XPO4: variants seen among roughly 807,000 people sequenced by gnomAD.
XPO4 encodes the protein exportin-4.
XPO4 carries 39 observed loss-of-function variants against 143.0 expected under a neutral mutation model. That is an observed-to-expected ratio of 0.27 (90% CI 0.21 to 0.36). The LOEUF (loss-of-function observed/expected upper bound fraction) is 0.36. Ranked by LOEUF, XPO4 falls within the 10% of genes least tolerant of loss-of-function variation. The pLI is 1.00. For missense variants in XPO4, 907 were observed against 1,348.0 expected (o/e 0.67, Z 5.12); for synonymous variants, 439 against 474.0 (o/e 0.93, Z 0.96).
At chr13:20,881,814 G>GA (rs1471579321) in intron 1 of XPO4, among the ~76,000 whole-genome samples, 1 of 151,778 alleles carries the variant, frequency 6.6e-6, no homozygotes, top group Non-Finnish European at 1.5e-5. Context: ...ATACATCGGG[G>GA]AAAAAATTAG....
At chr13:20,819,973 C>A (rs1272210224) in intron 9 of XPO4, among the ~76,000 whole-genome samples, 1 of 152,172 alleles carries the variant, frequency 6.6e-6, no homozygotes, top group Non-Finnish European at 1.5e-5. Context: ...ACCACACATC[C>A]CCAACCTGGT....
intron 9 of XPO4, among the ~76,000 whole-genome samples, chr13:20,816,739 A>G (rs944718655): frequency 2.0e-5 from 3 of 152,258 alleles, no homozygotes; most frequent in Non-Finnish European, 1.5e-5. Context: ...GAGCTGACTC[A>G]TACAAGTCAT....
intron 7 of XPO4, among the ~76,000 whole-genome samples, chr13:20,823,146 T>C (rs535345028): frequency 6.6e-6 from 1 of 152,336 alleles, no homozygotes; most frequent in South Asian, 2.1e-4. Flanking sequence ...CTGTTGGATG[T>C]ACCATTTTGT....
intron 1 of XPO4, among the ~76,000 whole-genome samples, chr13:20,886,291 G>GA (rs36026272): frequency 0.43 from 64,610 of 151,708 alleles, 14,370 homozygotes; most frequent in Non-Finnish European, 0.49. Context: ...ATTCAAGGAT[G>GA]AAAAAAAATC....
At chr13:20,875,407 G>GTCACTGCC (rs1232960465) in intron 1 of XPO4, among the ~76,000 whole-genome samples, 1 of 152,116 alleles carries the variant, frequency 6.6e-6, no homozygotes, top group Admixed American at 6.5e-5. Flanking sequence ...CCCTAGCAAA[G>GTCACTGCC]CTACCCTTTC....
chr13:20,826,146 C>A (rs2059781923), intron 7 of XPO4, among the ~76,000 whole-genome samples: 2 of 152,166 alleles, frequency 1.3e-5, no homozygotes, highest in African/African-American at 2.4e-5. Context: ...GCATCCAACA[C>A]ATAAACACAC....
intron 1 of XPO4, among the ~76,000 whole-genome samples, chr13:20,874,785 G>C (rs975011474): frequency 1.3e-5 from 2 of 152,144 alleles, no homozygotes; most frequent in Non-Finnish European, 2.9e-5. Flanking sequence ...CTGAGGTCAG[G>C]AGTTCGAGAC....
chr13:20,899,877 T>A (rs1457300823), intron 1 of XPO4, among the ~76,000 whole-genome samples: 1 of 152,220 alleles, frequency 6.6e-6, no homozygotes, highest in Admixed American at 6.5e-5. Context: ...GTTTAAAATA[T>A]GTAGCTTAAT....
chr13:20,797,429 A>G (rs963708331), intron 16 of XPO4, among the ~76,000 whole-genome samples: 4 of 152,212 alleles, frequency 2.6e-5, no homozygotes, highest in Admixed American at 2.6e-4. Flanking sequence ...GTGAAGCCCA[A>G]TTCAAAGTTC....
In XPO4 at chr13:20,868,671, G is replaced by A. The variant is rs1396580527; in HGVS notation, c.100C>T (p.Arg34Cys). The change falls in exon 2 of 23, where the codon CGC becomes TGC. Residue 34 changes from arginine (R) to cysteine (C), a missense_variant. By Grantham distance (180) the Arg-to-Cys change is radical. Coordinates refer to ENST00000255305, the MANE Select transcript of XPO4 (RefSeq NM_022459.5). The stretch of plus-strand genomic sequence containing the variant: ...AAGAATATGTGCTCTGCATGCTGGC[G>A]TTGTTCATTATTGACCATGGAAGGT... ...APPSMVNNEQ[R>C]QHAEHIFLSF... The A allele has an allele frequency of 1.9e-6, 3 of 1,613,014 alleles. No individual in the cohort carries two copies. The highest frequency in any genetic ancestry group is 2.5e-6 in the Non-Finnish European group (3 of 1,179,494).
intron 22 of XPO4, among the ~76,000 whole-genome samples, chr13:20,786,285 A>G (rs913103303): frequency 9.0e-5 from 10 of 111,142 alleles, no homozygotes; most frequent in Non-Finnish European, 1.7e-4. Context: ...GCTGGGAGGT[A>G]TATATATATA....
intron 1 of XPO4, among the ~76,000 whole-genome samples, chr13:20,892,037 T>G (rs1326961674): frequency 2.2e-5 from 2 of 89,064 alleles, no homozygotes; most frequent in Admixed American, 1.8e-4. Flanking sequence ...TTTTGTTTTG[T>G]TTTTTTTTTT....
At position 20,783,376 on chromosome 13, in the gene XPO4, A is replaced by T. The variant is rs542052063; in HGVS notation, c.*346T>A. Reference sequence around the variant, plus strand: ...TTCATATTTAATGACAAAAATTCTAAACTTTGGCTAGCCACCTATGTTAAA... The same window carrying T: ...TTCATATTTAATGACAAAAATTCTATACTTTGGCTAGCCACCTATGTTAAA... On this transcript the variant is annotated 3_prime_UTR_variant, in exon 23 of 23. Coordinates refer to ENST00000255305, the MANE Select transcript of XPO4 (RefSeq NM_022459.5). 3.1e-5 allele frequency: 8 copies of T among 260,808 alleles called. No individual in the cohort carries two copies. In the East Asian group the frequency reaches 3.8e-4, roughly 12 times the overall value. 16.2% of individuals were successfully genotyped at this position (260,808 alleles called of 1,614,324 possible). A position where few individuals can be genotyped will look rare whatever the true frequency, so the allele number is the denominator to read the frequency against.
intron 1 of XPO4, among the ~76,000 whole-genome samples, chr13:20,891,863 C>CAAAAAAA (rs61114008): frequency 7.7e-6 from 1 of 129,250 alleles, no homozygotes; most frequent in Non-Finnish European, 1.6e-5. Context: ...ACTCCATCTC[C>CAAAAAAA]AAAAAAAAAA....
rs115536027 is a variant in XPO4, at chr13:20,803,639, T to C, written c.1818-2649A>G. Among the ~76,000 whole-genome samples, 504 of 152,292 alleles carry C rather than the reference T, an allele frequency of 3.3e-3. 4 individuals are homozygous for C. Among genetic ancestry groups the C allele is most frequent in the African/African-American group, 0.012 (485 of 41,560 alleles). On this transcript the variant is annotated intron_variant, in intron 13 of 22. Transcript: ENST00000255305. The surrounding 1 kb of genome is among the most constrained non-coding windows in gnomAD (Gnocchi z 4.1). ...GATCACTTCACTTCTCTGCTGTAAA[T>C]CCTTGTCAGTATTTTTACTCCCACT...
At chr13:20,811,964 G>A (rs182161310) in intron 9 of XPO4, among the ~76,000 whole-genome samples, 4 of 152,272 alleles carry the variant, frequency 2.6e-5, no homozygotes, top group Admixed American at 6.5e-5. Flanking sequence ...CTGAAGTTTA[G>A]GAAAGAGATC....
chr13:20,842,136 G>C (rs560097596), intron 6 of XPO4, among the ~76,000 whole-genome samples: 21 of 152,212 alleles, frequency 1.4e-4, no homozygotes, highest in African/African-American at 4.8e-4. Context: ...GAAAAGCTGA[G>C]ACTCAGAGAG....
At chr13:20,847,611 C>T (rs577474034) in intron 4 of XPO4, among the ~76,000 whole-genome samples, 2 of 152,308 alleles carry the variant, frequency 1.3e-5, no homozygotes, top group East Asian at 3.9e-4. Context: ...CCTCTACTGA[C>T]CAGTATCTTC....
intron 15 of XPO4, 116 bp downstream of exon 15, chr13:20,800,040 A>T: frequency 8.5e-7 from 1 of 1,182,212 alleles, no homozygotes; most frequent in Non-Finnish European, 1.1e-6. Context: ...TGTAGGCTCT[A>T]TCTGGAATTA....
Sources: allele counts gnomAD v4.1 joint callset (sites outside exome capture counted in the v4.1 genomes callset), GRCh38; gene constraint gnomAD v4.1.1; non-coding constraint Gnocchi (gnomAD v3.1); transcripts MANE v1.5; gene names NCBI Gene and HGNC (gene_info 2026-07-23, HGNC 2026-07-21).